The following HDAC9 variants were observed in gnomAD, a reference collection of about 807,000 sequenced individuals.
HDAC9 encodes MEF-2 interacting transcription repressor (MITR) protein.
Under a neutral mutation model 139.4 loss-of-function variants are expected in HDAC9, and 41 were observed. That is an observed-to-expected ratio of 0.29 (90% CI 0.23 to 0.38). The LOEUF is 0.38. Among genes scored for constraint, HDAC9 ranks in the 10% least tolerant of loss-of-function variants. HDAC9 has a pLI of 1.00. For missense variants in HDAC9, 1,147 were observed against 1,297.0 expected, an observed-to-expected ratio of 0.88 and a Z score of 1.78; for synonymous variants, 517 against 476.2, an observed-to-expected ratio of 1.09 and a Z score of -1.12.
chr7:18,242,091 A>G (rs1794225008), intron 2 of HDAC9, among the ~76,000 whole-genome samples: 1 of 152,100 alleles, frequency 6.6e-6, no homozygotes, highest in Non-Finnish European at 1.5e-5. Context: ...TCCCCAGTCC[A>G]TGGTAAAGGA....
At chr7:18,162,236 C>T in exon 2 of HDAC9, 1 of 1,196,618 alleles carries the variant, frequency 8.4e-7, no homozygotes, top group East Asian at 2.5e-5. Flanking sequence ...TAGGTTTCTC[C>T]TCTGCCAACC....
chr7:18,604,385 G>A (rs993126991), intron 6 of HDAC9, among the ~76,000 whole-genome samples: 1 of 151,234 alleles, frequency 6.6e-6, no homozygotes, highest in Non-Finnish European at 1.5e-5. Context: ...GCTGTGTCCA[G>A]TCTACTGATG....
chr7:18,767,104 A>G lies in HDAC9; in HGVS notation c.2165-2A>G. The stretch of plus-strand genomic sequence containing the variant: ...TATTTTTTATGTCTTCTTACTGTAT[A>G]GGTGATGACTCTCAAAAGTTTTTTT... On this transcript the variant is annotated splice_acceptor_variant, in intron 15 of 25. Transcript: ENST00000686413. LOFTEE classifies it high-confidence loss of function. The G allele has an allele frequency of 6.6e-7, 1 of 1,521,404 alleles. No homozygotes were observed. The highest frequency in any genetic ancestry group is 9.0e-7 in the Non-Finnish European group (1 of 1,115,738). 94.2% of individuals were successfully genotyped at this position (1,521,404 alleles called of 1,614,324 possible). A position where few individuals can be genotyped will look rare whatever the true frequency, so the allele number is the denominator to read the frequency against.
intron 25 of HDAC9, among the ~76,000 whole-genome samples, chr7:18,991,553 T>C (rs1785962510): frequency 6.6e-6 from 1 of 151,732 alleles, no homozygotes. Context: ...AGGAGAATGG[T>C]GTTAACTCAG....
intron 12 of HDAC9, among the ~76,000 whole-genome samples, chr7:18,704,477 T>G (rs1205142512): frequency 6.6e-6 from 1 of 152,220 alleles, no homozygotes; most frequent in Admixed American, 6.5e-5. Flanking sequence ...ACTGAATTTG[T>G]GTGTTTGGAA....
chr7:18,963,307 A>T (rs12539764), intron 24 of HDAC9, among the ~76,000 whole-genome samples: 3 of 152,078 alleles, frequency 2.0e-5, no homozygotes, highest in Non-Finnish European at 4.4e-5. Context: ...TAGATACTAA[A>T]GAGTTTTGAT....
intron 1 of HDAC9, among the ~76,000 whole-genome samples, chr7:18,096,199 C>T (rs573668948): frequency 6.6e-6 from 1 of 152,308 alleles, no homozygotes; most frequent in East Asian, 1.9e-4. Context: ...AGATAGGATG[C>T]ATGCATTATC....
At chr7:18,402,883 C>G (rs1327392656) in intron 1 of HDAC9, among the ~76,000 whole-genome samples, 1 of 151,942 alleles carries the variant, frequency 6.6e-6, no homozygotes, top group Admixed American at 6.6e-5. Flanking sequence ...CATAGCAAAT[C>G]TAAAAAAAAT....
chr7:18,337,786 T>A (rs1781691467), intron 1 of HDAC9, among the ~76,000 whole-genome samples: 1 of 151,828 alleles, frequency 6.6e-6, no homozygotes, highest in Admixed American at 6.6e-5. Context: ...TGGTGCATAT[T>A]TTTAAAACCA....
At chr7:18,371,906 A>T (rs1339683028) in intron 1 of HDAC9, among the ~76,000 whole-genome samples, 2 of 152,168 alleles carry the variant, frequency 1.3e-5, no homozygotes, top group Non-Finnish European at 2.9e-5. Context: ...CTCAGTCTGG[A>T]GATGGAAGTT....
At chr7:18,732,651 A>C (rs199580491) in intron 13 of HDAC9, among the ~76,000 whole-genome samples, 2 of 77,326 alleles carry the variant, frequency 2.6e-5, no homozygotes, top group Non-Finnish European at 4.8e-5. Flanking sequence ...ATATGTGTAT[A>C]TATACACACA....
intron 2 of HDAC9, among the ~76,000 whole-genome samples, chr7:18,254,101 A>G (rs1795090325): frequency 2.0e-5 from 3 of 152,262 alleles, no homozygotes; most frequent in African/African-American, 4.8e-5. Flanking sequence ...GCTTAACACA[A>G]AGTCAAATGA....
At chr7:18,897,438 T>C (rs1362852043) in intron 22 of HDAC9, among the ~76,000 whole-genome samples, 2 of 151,958 alleles carry the variant, frequency 1.3e-5, no homozygotes, top group Non-Finnish European at 2.9e-5. Flanking sequence ...AGATAATAAA[T>C]AAAAATAATG....
chr7:18,209,013 A>T (rs1298075758), intron 2 of HDAC9, among the ~76,000 whole-genome samples: 1 of 152,144 alleles, frequency 6.6e-6, no homozygotes, highest in Non-Finnish European at 1.5e-5. Context: ...TAGTCAACAT[A>T]CCTTGCTTAG....
chr7:18,780,931 C>T (rs1189546977), intron 16 of HDAC9, among the ~76,000 whole-genome samples: 1 of 151,990 alleles, frequency 6.6e-6, no homozygotes, highest in Non-Finnish European at 1.5e-5. Context: ...CTAGGGCTGT[C>T]ATAACACAAT....
At chr7:18,677,075 G>T (rs1322266887) in intron 12 of HDAC9, among the ~76,000 whole-genome samples, 1 of 151,854 alleles carries the variant, frequency 6.6e-6, no homozygotes, top group Non-Finnish European at 1.5e-5. Flanking sequence ...TATCTAGATA[G>T]AGAATATTTA....
chr7:18,590,260 A>T (rs1830570559), intron 3 of HDAC9, 76 bp from the exon 4 acceptor site: 13 of 1,453,392 alleles, frequency 8.9e-6, no homozygotes, highest in African/African-American at 2.8e-5. Context: ...AAAGCTCATA[A>T]CATTTCAGTT....
At chr7:18,156,179 C>A (rs868753240) in intron 1 of HDAC9, among the ~76,000 whole-genome samples, 5 of 152,158 alleles carry the variant, frequency 3.3e-5, no homozygotes, top group African/African-American at 1.2e-4. Flanking sequence ...TAGAGCTTGT[C>A]TAATAAAAAG....
chr7:18,940,709 GCAAA>G (rs1450819966), intron 23 of HDAC9, among the ~76,000 whole-genome samples: 2 of 152,078 alleles, frequency 1.3e-5, no homozygotes, highest in Non-Finnish European at 2.9e-5. Flanking sequence ...GAGCTGATTG[GCAAA>G]CAGTGTCACA....
Sources: allele counts gnomAD v4.1 joint callset (sites outside exome capture counted in the v4.1 genomes callset), GRCh38; gene constraint gnomAD v4.1.1; transcripts MANE v1.5; gene names NCBI Gene and HGNC (gene_info 2026-07-23, HGNC 2026-07-21).